PPP1R11: variants seen among roughly 807,000 people sequenced by gnomAD.
The protein encoded by PPP1R11 is protein phosphatase 1 regulatory inhibitor subunit 11.
Under a neutral mutation model 11.3 loss-of-function variants are expected in PPP1R11, and 10 were observed. That is an observed-to-expected ratio of 0.88 (90% CI 0.55 to 1.50). The LOEUF (loss-of-function observed/expected upper bound fraction) is 1.50. Among genes scored for constraint, PPP1R11 ranks in the 40% most tolerant of loss-of-function variants. The pLI is 0.00. For synonymous variants in PPP1R11, 56 were observed against 62.3 expected, an observed-to-expected ratio of 0.90 and a Z score of 0.48; for missense variants, 114 against 179.1, an observed-to-expected ratio of 0.64 and a Z score of 2.07.
At chr6:30,068,274 C>T (rs1177386941) in intron 1 of PPP1R11, 1 of 219,770 alleles carries the variant, frequency 4.6e-6, no homozygotes. Flanking sequence ...ATTAATACTA[C>T]CAAGGATGAT....
At chr6:30,067,505 G>A in intron 1 of PPP1R11, 26 bp downstream of exon 1, 3 of 1,605,988 alleles carry the variant, frequency 1.9e-6, no homozygotes, top group South Asian at 1.1e-5. Context: ...GGGCGGTGCT[G>A]TTTAGGGGTC....
Position 30,069,514 on chromosome 6 carries a change from A to C in PPP1R11, c.*208A>C. ...GTCCTCATTTTTCCTCCCAATACCC[A>C]CCCTTCTCTCTCGAGGGATCTAGGC... On this transcript the variant is annotated 3_prime_UTR_variant, in exon 3 of 3. Transcript: ENST00000376772. The surrounding 1 kb of genome is among the most constrained non-coding windows in gnomAD (Gnocchi z 6.6). 7 of 467,718 alleles carry C rather than the reference A, an allele frequency of 1.5e-5. No individual in the cohort carries two copies. Among genetic ancestry groups the C allele is most frequent in the Admixed American group, 7.6e-5 (2 of 26,428 alleles). The allele number at this position is 467,718 out of a possible 1,614,324, so 29.0% of individuals were successfully genotyped here.
At chr6:30,066,214 C>T (rs963005626), upstream of PPP1R11, among the ~76,000 whole-genome samples, 1 of 152,174 alleles carries the variant, frequency 6.6e-6, no homozygotes, top group Non-Finnish European at 1.5e-5. Flanking sequence ...GCAAAGCATA[C>T]AGGTTCTTCC....
upstream of PPP1R11, chr6:30,064,538 G>T (rs1022540988): frequency 1.5e-6 from 1 of 646,604 alleles, no homozygotes; most frequent in African/African-American, 1.9e-5. Flanking sequence ...AGAATTGGAA[G>T]TTTGTTTAGG....
intron 2 of PPP1R11, 115 bp downstream of exon 2, chr6:30,068,813 CT>C: frequency 2.0e-6 from 2 of 981,112 alleles, no homozygotes; most frequent in South Asian, 1.6e-5. Flanking sequence ...AGTTCTGTCA[CT>C]TTTTTGGTGG....
the PPP1R11 span, chr6:30,061,456 G>A: frequency 3.8e-6 from 6 of 1,563,372 alleles, no homozygotes; most frequent in South Asian, 1.2e-5. This position sits in a 1 kb window ranked among gnomAD's most constrained non-coding sequence, Gnocchi z 5.0. Context: ...GAATAGTTAC[G>A]ACCTCTGGGA....
upstream of PPP1R11, among the ~76,000 whole-genome samples, chr6:30,065,281 C>T (rs755232741): frequency 1.4e-4 from 21 of 152,144 alleles, no homozygotes; most frequent in Non-Finnish European, 2.5e-4. The surrounding 1 kb of genome is among the most constrained non-coding windows in gnomAD (Gnocchi z 5.3). Flanking sequence ...CCTTGAACAA[C>T]ACAGGTTTGA....
At chr6:30,067,806 T>C (rs1161266327) in intron 1 of PPP1R11, 2 of 368,308 alleles carry the variant, frequency 5.4e-6, no homozygotes, top group East Asian at 4.1e-5. Context: ...TCAAAGGTAG[T>C]GTAAGAAAGC....
chr6:30,064,292 CAAA>C (rs372351529), upstream of PPP1R11, among the ~76,000 whole-genome samples: 33 of 144,054 alleles, frequency 2.3e-4, no homozygotes, highest in African/African-American at 7.1e-4. Flanking sequence ...GTCATTTTAC[CAAA>C]AAAAAAAAAA....
At chr6:30,062,068 TGGA>T (rs779844597), upstream of PPP1R11, 1 of 1,555,334 alleles carries the variant, frequency 6.4e-7, no homozygotes, top group Non-Finnish European at 8.9e-7. Context: ...AGGAAAGAAA[TGGA>T]GGAGTGATTG....
In PPP1R11 at chr6:30,067,621, G is replaced by A. The variant is rs1268684729; in HGVS notation, c.69+142G>A. ...TTGAATATCTAGGGCTGGGAGAATC[G>A]GAAGGTATTGGAGCTATTTGGAGTG... On this transcript the variant is annotated intron_variant, in intron 1 of 2. Coordinates refer to ENST00000376772, the MANE Select transcript of PPP1R11 (RefSeq NM_021959.3). 5.7e-6 allele frequency: 6 copies of A among 1,044,040 alleles called. No individual in the cohort carries two copies. The East Asian group carries it at 1.3e-4, about 22-fold the overall frequency. 64.7% of individuals were successfully genotyped at this position (1,044,040 alleles called of 1,614,324 possible).
At chr6:30,062,092 G>C, upstream of PPP1R11, 1 of 1,501,500 alleles carries the variant, frequency 6.7e-7, no homozygotes, top group Non-Finnish European at 9.3e-7. Flanking sequence ...CAAAGCTCTG[G>C]AGAGTTTTGT....
chr6:30,067,199 T>G lies in PPP1R11; in HGVS notation c.-212T>G. The stretch of plus-strand genomic sequence containing the variant: ...GGAAAAAGGGGGACTGCAGTATGCG[T>G]CACACCCGGAAGCGGCGAGCCGGAA... On this transcript the variant is annotated 5_prime_UTR_variant, in exon 1 of 3. Coordinates refer to ENST00000376772, the MANE Select transcript of PPP1R11 (RefSeq NM_021959.3). 1.9e-6 allele frequency: 1 copy of G among 533,616 alleles called. No individual in the cohort carries two copies. Among genetic ancestry groups the G allele is most frequent in the Non-Finnish European group, 3.4e-6 (1 of 295,324 alleles). The allele number at this position is 533,616 out of a possible 1,614,324, so 33.1% of individuals were successfully genotyped here. A position where few individuals can be genotyped will look rare whatever the true frequency, so the allele number is the denominator to read the frequency against.
chr6:30,062,820 C>T (rs1318751326), upstream of PPP1R11, among the ~76,000 whole-genome samples: 10 of 147,964 alleles, frequency 6.8e-5, no homozygotes, highest in East Asian at 2.0e-3. Flanking sequence ...GATCCACCCA[C>T]CTCAGCATCC....
chr6:30,061,647 T>C, the PPP1R11 span: 8 of 1,612,940 alleles, frequency 5.0e-6, no homozygotes, highest in East Asian at 1.3e-4. The surrounding 1 kb of genome is among the most constrained non-coding windows in gnomAD (Gnocchi z 5.0). Flanking sequence ...GTATTCGCTG[T>C]GGCTTCAACA....
At chr6:30,063,737 C>G (rs1347092415), upstream of PPP1R11, among the ~76,000 whole-genome samples, 2 of 152,050 alleles carry the variant, frequency 1.3e-5, no homozygotes, top group South Asian at 4.1e-4. The surrounding 1 kb of genome is among the most constrained non-coding windows in gnomAD (Gnocchi z 4.1). Flanking sequence ...GTGCTGTATT[C>G]TCAGCATTTG....
At chr6:30,061,838 C>T, upstream of PPP1R11, 1 of 1,555,582 alleles carries the variant, frequency 6.4e-7, no homozygotes, top group Admixed American at 1.7e-5. The surrounding 1 kb of genome is among the most constrained non-coding windows in gnomAD (Gnocchi z 5.0). Flanking sequence ...CCTGGCCTAA[C>T]CAGCCAGGGG....
In PPP1R11 at chr6:30,068,718, C is replaced by A; in HGVS notation, c.178+20C>A. 6.3e-7 allele frequency: 1 copy of A among 1,596,180 alleles called. No homozygotes were observed. The highest frequency in any genetic ancestry group is 8.6e-7 in the Non-Finnish European group (1 of 1,165,442). On this transcript the variant is annotated intron_variant, in intron 2 of 2. Transcript: ENST00000376772. ...CCAAATGTGAGTAATTGTTGGCCCG[C>A]AGTAGCCCTGGAGTTCTGGCTCCCT... is the stretch of plus-strand genomic sequence containing the variant.
upstream of PPP1R11, chr6:30,062,083 A>T: frequency 6.5e-7 from 1 of 1,528,546 alleles, no homozygotes; most frequent in Non-Finnish European, 9.1e-7. Context: ...GAGTGATTGC[A>T]AAGCTCTGGA....
Sources: gnomAD v4.1 joint callset for allele counts (sites outside exome capture counted in the v4.1 genomes callset) on GRCh38, gnomAD v4.1.1 for gene constraint, Gnocchi (gnomAD v3.1) non-coding constraint, MANE v1.5 for transcripts, NCBI Gene and HGNC (gene_info 2026-07-23, HGNC 2026-07-21) for gene names.